RBFOX1: variants seen among roughly 807,000 people sequenced by gnomAD.
The protein encoded by RBFOX1 is RNA binding fox-1 homolog 1, also known as RNA binding protein fox-1 homolog 1.
RBFOX1 carries 8 observed loss-of-function variants against 57.7 expected under a neutral mutation model. The ratio of observed to expected loss-of-function variants is 0.14; its 90% CI spans 0.08 to 0.25. The LOEUF (loss-of-function observed/expected upper bound fraction) is 0.25, where lower values mean the gene tolerates loss of function less well. Ranked by LOEUF, RBFOX1 falls within the 10% of genes least tolerant of loss-of-function variation. RBFOX1 has a pLI of 1.00. For missense variants in RBFOX1, 611 were observed against 548.5 expected (o/e 1.11, Z -1.14); for synonymous variants, 326 against 222.4 (o/e 1.47, Z -4.15).
At chr16:6,247,673 C>G (rs2097576696) in intron 1 of RBFOX1, among the ~76,000 whole-genome samples, 2 of 152,120 alleles carry the variant, frequency 1.3e-5, no homozygotes, top group South Asian at 4.1e-4. Context: ...CATAGAGAAG[C>G]AAAGATACTT....
At chr16:7,384,673 A>C (rs979293895) in intron 4 of RBFOX1, among the ~76,000 whole-genome samples, 2 of 152,142 alleles carry the variant, frequency 1.3e-5, no homozygotes, top group Non-Finnish European at 2.9e-5. Flanking sequence ...GGTAAATAAG[A>C]CCATCCTGTA....
At chr16:6,496,788 C>T (rs567588589) in intron 2 of RBFOX1, among the ~76,000 whole-genome samples, 1 of 152,106 alleles carries the variant, frequency 6.6e-6, no homozygotes, top group African/African-American at 2.4e-5. Context: ...GGTGAAACGT[C>T]ATCTCTACTA....
chr16:6,426,343 AAAGT>A (rs1351754203), intron 2 of RBFOX1, among the ~76,000 whole-genome samples: 2 of 152,132 alleles, frequency 1.3e-5, no homozygotes, highest in Non-Finnish European at 2.9e-5. Context: ...AGAGAAAATG[AAAGT>A]AAGAGAAAAA....
chr16:7,559,205 C>T (rs936373981), intron 5 of RBFOX1, among the ~76,000 whole-genome samples: 6 of 152,116 alleles, frequency 3.9e-5, no homozygotes, highest in African/African-American at 9.7e-5. Context: ...TATAAAAGAT[C>T]GAAAGTATCA....
chr16:7,558,582 G>A (rs2089459599), intron 5 of RBFOX1, among the ~76,000 whole-genome samples: 1 of 152,024 alleles, frequency 6.6e-6, no homozygotes, highest in South Asian at 2.1e-4. Flanking sequence ...ATGGGCTTAT[G>A]TCATTTCATT....
At chr16:5,384,973 C>A (rs1271087925) in intron 1 of RBFOX1, among the ~76,000 whole-genome samples, 1 of 152,170 alleles carries the variant, frequency 6.6e-6, no homozygotes, top group African/African-American at 2.4e-5. Context: ...AAAACAAAAT[C>A]GCTTACTGCA....
intron 2 of RBFOX1, among the ~76,000 whole-genome samples, chr16:6,579,939 T>C (rs1049981969): frequency 1.3e-5 from 2 of 152,000 alleles, no homozygotes; most frequent in African/African-American, 4.8e-5. Flanking sequence ...CATGGACCTG[T>C]TCATCTTTTT....
intron 4 of RBFOX1, among the ~76,000 whole-genome samples, chr16:7,468,717 A>C (rs2060984404): frequency 6.6e-6 from 1 of 152,136 alleles, no homozygotes; most frequent in African/African-American, 2.4e-5. Flanking sequence ...AAACTGTGGC[A>C]GGAGGTCTGG....
At chr16:5,808,441 T>C (rs185391205) in intron 3 of RBFOX1, among the ~76,000 whole-genome samples, 530 of 152,324 alleles carry the variant, frequency 3.5e-3, no homozygotes, top group Non-Finnish European at 4.5e-3. Flanking sequence ...AGTAGTTTTT[T>C]CCAATTCTGT....
At chr16:5,768,853 C>T (rs189530495) in intron 3 of RBFOX1, among the ~76,000 whole-genome samples, 9 of 152,210 alleles carry the variant, frequency 5.9e-5, no homozygotes, top group East Asian at 5.8e-4. Flanking sequence ...CTCGACTACA[C>T]GGACCATCAC....
At chr16:7,049,900 T>C (rs1245092707) in intron 3 of RBFOX1, among the ~76,000 whole-genome samples, 1 of 152,236 alleles carries the variant, frequency 6.6e-6, no homozygotes, top group Non-Finnish European at 1.5e-5. Context: ...TTTTAAAGTA[T>C]ACATTTTACT....
chr16:6,733,998 A>T (rs1005620861), intron 3 of RBFOX1, among the ~76,000 whole-genome samples: 13 of 152,188 alleles, frequency 8.5e-5, no homozygotes, highest in Non-Finnish European at 1.8e-4. Context: ...CACAGTGTTC[A>T]GTCCCTGCCA....
At chr16:6,273,741 C>A (rs2152681748) in intron 1 of RBFOX1, among the ~76,000 whole-genome samples, 1 of 152,088 alleles carries the variant, frequency 6.6e-6, no homozygotes, top group Admixed American at 6.5e-5. Flanking sequence ...TCTTGCTCGG[C>A]AAAACACCCT....
intron 2 of RBFOX1, among the ~76,000 whole-genome samples, chr16:6,514,401 A>G (rs948055836): frequency 6.6e-6 from 1 of 152,184 alleles, no homozygotes; most frequent in Non-Finnish European, 1.5e-5. Context: ...TCTTTTGCCC[A>G]CATGAATTGA....
intron 3 of RBFOX1, among the ~76,000 whole-genome samples, chr16:5,860,144 A>T (rs538705713): frequency 6.6e-5 from 10 of 152,170 alleles, no homozygotes; most frequent in African/African-American, 2.2e-4. Flanking sequence ...GTGCAATGGC[A>T]TGATCTCAAC....
intron 2 of RBFOX1, among the ~76,000 whole-genome samples, chr16:6,629,516 C>G (rs923819138): frequency 2.0e-5 from 3 of 152,170 alleles, no homozygotes; most frequent in African/African-American, 7.2e-5. Context: ...ATGGGTTATA[C>G]TTTCATCTTT....
At chr16:7,102,289 A>C (rs906306015) in intron 4 of RBFOX1, among the ~76,000 whole-genome samples, 2 of 152,208 alleles carry the variant, frequency 1.3e-5, no homozygotes, top group Non-Finnish European at 2.9e-5. Context: ...TTCTTTGTCT[A>C]TCCATAGACT....
At chr16:6,949,896 G>A (rs191187658) in intron 3 of RBFOX1, among the ~76,000 whole-genome samples, 67 of 151,544 alleles carry the variant, frequency 4.4e-4, no homozygotes, top group East Asian at 4.1e-3. Flanking sequence ...CTTTAAAACT[G>A]TCTTCATCCT....
At chr16:7,585,270 C>G (rs2094040490) in intron 6 of RBFOX1, among the ~76,000 whole-genome samples, 1 of 152,098 alleles carries the variant, frequency 6.6e-6, no homozygotes, top group Non-Finnish European at 1.5e-5. Context: ...CTTCATTTCC[C>G]CAATCTGAAT....
Sources: allele counts gnomAD v4.1 joint callset (sites outside exome capture counted in the v4.1 genomes callset), GRCh38; gene constraint gnomAD v4.1.1; transcripts MANE v1.5; gene names NCBI Gene and HGNC (gene_info 2026-07-23, HGNC 2026-07-21).